Variants in SCAPER observed in about 807,000 individuals in gnomAD.
SCAPER encodes the protein S-phase cyclin A associated protein in the ER, also known as S phase cyclin A-associated protein in the endoplasmic reticulum.
A neutral mutation model predicts 182.2 loss-of-function variants in SCAPER; 98 were observed. That is an observed-to-expected ratio of 0.54 (90% CI 0.46 to 0.64). The LOEUF (loss-of-function observed/expected upper bound fraction) is 0.64. SCAPER is among the 30% of genes least tolerant of loss of function. The probability of loss-of-function intolerance (pLI) is 0.00; values close to 1 mark genes in which losing one functional copy is unlikely to be tolerated. For missense variants in SCAPER, 1,432 were observed against 1,690.0 expected, an observed-to-expected ratio of 0.85 and a Z score of 2.68; for synonymous variants, 605 against 564.6, an observed-to-expected ratio of 1.07 and a Z score of -1.01.
intron 22 of SCAPER, among the ~76,000 whole-genome samples, chr15:76,577,175 G>A (rs1172337662): frequency 6.6e-6 from 1 of 152,134 alleles, no homozygotes; most frequent in East Asian, 1.9e-4. Context: ...GCCAGGCACA[G>A]TGGCTCATAC....
At chr15:76,419,431 T>C (rs2045875469) in intron 26 of SCAPER, among the ~76,000 whole-genome samples, 1 of 152,042 alleles carries the variant, frequency 6.6e-6, no homozygotes, top group Non-Finnish European at 1.5e-5. Flanking sequence ...GAACTAATAC[T>C]AATTCTCGGC....
intron 21 of SCAPER, among the ~76,000 whole-genome samples, chr15:76,626,194 C>G (rs1013466404): frequency 6.6e-6 from 1 of 152,060 alleles, no homozygotes; most frequent in Non-Finnish European, 1.5e-5. Flanking sequence ...TATCTACTCA[C>G]TATTTTGGTT....
intron 23 of SCAPER, among the ~76,000 whole-genome samples, chr15:76,505,521 A>C (rs1187479766): frequency 6.6e-6 from 1 of 152,186 alleles, no homozygotes; most frequent in Non-Finnish European, 1.5e-5. Flanking sequence ...TCATTAGAAA[A>C]ATGCAAATCA....
intron 22 of SCAPER, among the ~76,000 whole-genome samples, chr15:76,611,992 A>C (rs144490594): frequency 6.6e-6 from 1 of 152,170 alleles, no homozygotes; most frequent in Non-Finnish European, 1.5e-5. Flanking sequence ...ACATTGCACT[A>C]AACAGGCAAA....
chr15:76,652,528 C>T (rs1389747880), intron 21 of SCAPER, among the ~76,000 whole-genome samples: 91 of 129,440 alleles, frequency 7.0e-4, no homozygotes, highest in Middle Eastern at 3.9e-3. Context: ...TACACACACA[C>T]ACACACACAC....
Position 76,836,152 on chromosome 15 carries a change from C to T in SCAPER, c.393+5582G>A, listed in dbSNP as rs113855188. On this transcript the variant is annotated intron_variant, in intron 5 of 31. Transcript: ENST00000563290. ...AATGCCAAACTACCAACTACCAATT[C>T]CAAACTACCAACTACCAATGCCAAT... Among the ~76,000 whole-genome samples the T allele has an allele frequency of 7.9e-3, 1,198 of 152,088 alleles. 11 individuals are homozygous for T. The highest frequency in any genetic ancestry group is 0.027 in the African/African-American group (1,138 of 41,494).
intron 26 of SCAPER, among the ~76,000 whole-genome samples, chr15:76,406,000 C>T (rs762188639): frequency 3.9e-5 from 6 of 152,148 alleles, no homozygotes; most frequent in Non-Finnish European, 7.4e-5. Context: ...ACCTGGGCTA[C>T]TGAGCACTCC....
intron 17 of SCAPER, among the ~76,000 whole-genome samples, chr15:76,721,752 C>T (rs543816400): frequency 1.3e-5 from 2 of 152,156 alleles, no homozygotes; most frequent in South Asian, 4.2e-4. Context: ...TATAAGAATG[C>T]TTGTGATTTT....
rs1234800292 is a variant in SCAPER, at chr15:76,728,657, T to C, written c.2103A>G (p.Arg701=). 1 of 1,613,738 alleles carries C rather than the reference T, an allele frequency of 6.2e-7. No individual in the cohort carries two copies. The highest frequency in any genetic ancestry group is 1.7e-5 in the Admixed American group (1 of 59,976). Residue 701 remains arginine (R), a synonymous_variant, in exon 17 of 32, where the codon CGA becomes CGG. Transcript: ENST00000563290. The stretch of plus-strand genomic sequence containing the variant: ...CCTTTTCTTGCCTCTGTTGTTCAAT[T>C]CGGGCTTCTTGTTCTTTCCTCTTCA... ...LLMKRKEQEA[R]IEQQRQEKEK... is the part of the protein sequence containing the mutation.
At chr15:76,698,101 G>T (rs2058745993) in intron 20 of SCAPER, among the ~76,000 whole-genome samples, 1 of 151,848 alleles carries the variant, frequency 6.6e-6, no homozygotes, top group Non-Finnish European at 1.5e-5. Flanking sequence ...AAAGATTTAA[G>T]TAATAAAGAA....
intron 17 of SCAPER, among the ~76,000 whole-genome samples, chr15:76,720,162 G>A (rs1365144208): frequency 1.4e-5 from 2 of 143,612 alleles, no homozygotes; most frequent in African/African-American, 2.6e-5. Flanking sequence ...TCCCACCTAT[G>A]AGTGAGAACA....
At chr15:76,530,335 T>A (rs2043550040) in intron 23 of SCAPER, among the ~76,000 whole-genome samples, 1 of 152,178 alleles carries the variant, frequency 6.6e-6, no homozygotes, top group African/African-American at 2.4e-5. Context: ...GACTCCTTGG[T>A]TTTCAATGAG....
chr15:76,685,288 C>T (rs1434517427), intron 20 of SCAPER, among the ~76,000 whole-genome samples: 2 of 151,510 alleles, frequency 1.3e-5, no homozygotes, highest in African/African-American at 4.8e-5. Flanking sequence ...TACATGTGTT[C>T]ACCATTGTAC....
At chr15:76,751,008 T>C (rs772578718) in intron 15 of SCAPER, among the ~76,000 whole-genome samples, 1 of 151,594 alleles carries the variant, frequency 6.6e-6, no homozygotes, top group Non-Finnish European at 1.5e-5. Context: ...CCAAAAAAAA[T>C]TGTTAGAAGT....
chr15:76,357,190 C>CACACACACA (rs1364364928), intron 29 of SCAPER, among the ~76,000 whole-genome samples: 18 of 40,120 alleles, frequency 4.5e-4, no homozygotes, highest in East Asian at 1.5e-3. Context: ...ACACACACAC[C>CACACACACA]CCTATGGCCA....
At chr15:76,404,818 A>G (rs2044711164) in intron 26 of SCAPER, 139 bp from the exon 27 acceptor site, 1 of 666,746 alleles carries the variant, frequency 1.5e-6, no homozygotes, top group Non-Finnish European at 2.2e-6. Flanking sequence ...AAGCATCTCA[A>G]GTAACAATTT....
intron 21 of SCAPER, among the ~76,000 whole-genome samples, chr15:76,644,443 A>T (rs1275789796): frequency 1.3e-5 from 2 of 152,164 alleles, no homozygotes; most frequent in Non-Finnish European, 1.5e-5. Context: ...CATTTCTAAC[A>T]TGATAAATGT....
intron 22 of SCAPER, among the ~76,000 whole-genome samples, chr15:76,612,155 C>T (rs1485753128): frequency 6.6e-6 from 1 of 152,190 alleles, no homozygotes; most frequent in Non-Finnish European, 1.5e-5. Flanking sequence ...GAAAATCAAA[C>T]TATCCCTGTT....
chr15:76,539,649 C>T (rs1301027667), intron 23 of SCAPER, among the ~76,000 whole-genome samples: 1 of 151,338 alleles, frequency 6.6e-6, no homozygotes. Context: ...GGGTTCATGC[C>T]ATTCTCCTGC....
Sources: gnomAD v4.1 joint callset for allele counts (sites outside exome capture counted in the v4.1 genomes callset) on GRCh38, gnomAD v4.1.1 for gene constraint, MANE v1.5 for transcripts, NCBI Gene and HGNC (gene_info 2026-07-23, HGNC 2026-07-21) for gene names.